Variants in NDUFS4 observed in about 807,000 individuals in gnomAD.
NDUFS4 encodes the protein NADH dehydrogenase [ubiquinone] iron-sulfur protein 4, mitochondrial.
Under a neutral mutation model 24.3 loss-of-function variants are expected in NDUFS4, and 28 were observed. That is an observed-to-expected ratio of 1.15 (90% CI 0.85 to 1.58). The LOEUF is 1.58. Among genes scored for constraint, NDUFS4 ranks in the 40% most tolerant of loss-of-function variants. The pLI, the probability that NDUFS4 is intolerant of heterozygous loss-of-function variation, is 0.00. For synonymous variants in NDUFS4, 93 were observed against 69.7 expected (o/e 1.34, Z -1.67); for missense variants, 223 against 207.9 (o/e 1.07, Z -0.45).
intron 2 of NDUFS4, among the ~76,000 whole-genome samples, chr5:53,620,433 A>G (rs1040775011): frequency 6.6e-6 from 1 of 152,166 alleles, no homozygotes; most frequent in African/African-American, 2.4e-5. Flanking sequence ...TCAACTTACA[A>G]ATTTATGTAT....
intron 1 of NDUFS4, among the ~76,000 whole-genome samples, chr5:53,587,848 G>T (rs117118526): frequency 6.6e-6 from 1 of 152,086 alleles, no homozygotes; most frequent in African/African-American, 2.4e-5. Flanking sequence ...CAAAGAACTG[G>T]GATTACAGGT....
At chr5:53,661,525 C>T (rs1752342963) in intron 4 of NDUFS4, among the ~76,000 whole-genome samples, 1 of 152,034 alleles carries the variant, frequency 6.6e-6, no homozygotes, top group Non-Finnish European at 1.5e-5. Flanking sequence ...TAGTTTTTTC[C>T]AATTCTTTGA....
chr5:53,639,757 A>T (rs1300327706), intron 2 of NDUFS4, among the ~76,000 whole-genome samples: 1 of 152,188 alleles, frequency 6.6e-6, no homozygotes, highest in African/African-American at 2.4e-5. Context: ...GAAACTAAAA[A>T]GTTAAACTTT....
intron 4 of NDUFS4, among the ~76,000 whole-genome samples, chr5:53,660,171 C>G (rs1027959468): frequency 7.8e-6 from 1 of 128,868 alleles, no homozygotes; most frequent in Non-Finnish European, 1.6e-5. Flanking sequence ...CAACAGGTCC[C>G]GGAGTGTGAT....
Position 53,560,681 on chromosome 5 carries a change from T to A in NDUFS4, c.19T>A (p.Ser7Thr). 6.2e-7 allele frequency: 1 copy of A among 1,614,266 alleles called. No homozygotes were observed. Among genetic ancestry groups the A allele is most frequent in the Non-Finnish European group, 8.5e-7 (1 of 1,180,042 alleles). MAAVSM[S>T]VVLRQTLWRR... ...CAGCAAGATGGCGGCGGTGTCAATGTCAGTGGTACTGAGGCAGACGTTGTG... is the reference window on the plus strand; with the variant it reads ...CAGCAAGATGGCGGCGGTGTCAATGACAGTGGTACTGAGGCAGACGTTGTG... Residue 7 changes from serine to threonine, a missense_variant, in exon 1 of 5, where the codon TCA becomes ACA. Physicochemically the swap from Ser to Thr is moderately conservative, Grantham distance 58. Coordinates refer to ENST00000296684, the MANE Select transcript of NDUFS4 (RefSeq NM_002495.4).
At chr5:53,568,246 C>T (rs1749101753) in intron 1 of NDUFS4, among the ~76,000 whole-genome samples, 1 of 151,818 alleles carries the variant, frequency 6.6e-6, no homozygotes, top group African/African-American at 2.4e-5. Flanking sequence ...GTTTTTAAAC[C>T]CTTGTGCATC....
At chr5:53,580,262 G>T (rs1367416146) in intron 1 of NDUFS4, among the ~76,000 whole-genome samples, 1 of 152,142 alleles carries the variant, frequency 6.6e-6, no homozygotes. Flanking sequence ...AATGGGTAGA[G>T]AATTTTTTAA....
At chr5:53,603,226 G>A (rs560950830) in intron 1 of NDUFS4, among the ~76,000 whole-genome samples, 46 of 152,192 alleles carry the variant, frequency 3.0e-4, no homozygotes, top group African/African-American at 9.6e-4. Flanking sequence ...GAAGACTGAC[G>A]TAAAGCGCAG....
chr5:53,580,713 CTTTTCCT>C (rs1403382789), intron 1 of NDUFS4, among the ~76,000 whole-genome samples: 204 of 70,046 alleles, frequency 2.9e-3, no homozygotes, highest in Non-Finnish European at 5.0e-3. Context: ...CTTTCCTTTC[CTTTTCCT>C]TTTCCTTTTC....
intron 2 of NDUFS4, chr5:53,605,017 C>A: frequency 2.6e-6 from 1 of 379,666 alleles, no homozygotes; most frequent in African/African-American, 2.1e-5. Flanking sequence ...GTCAGGAGTT[C>A]GTGACCAGCT....
rs1740617675 is a variant in NDUFS4 at position 53,680,308 on chromosome 5, GA to G, written c.425-2807del. On this transcript the variant is annotated intron_variant, in intron 4 of 4. Transcript: ENST00000296684. ...GCGATTCCTCAGGGATCTAGAACTA[GA>G]AATACCATTTGACCCAGCCATCCCA... Among the ~76,000 whole-genome samples the G allele has an allele frequency of 3.9e-5, 6 of 152,138 alleles. No homozygotes were observed. The South Asian group carries it at 1.2e-3, about 32-fold the overall frequency.
chr5:53,641,714 C>T (rs1165882438), intron 2 of NDUFS4, among the ~76,000 whole-genome samples: 1 of 152,022 alleles, frequency 6.6e-6, no homozygotes, highest in African/African-American at 2.4e-5. Flanking sequence ...ATTTTTTAAA[C>T]TGTAAAATTT....
At chr5:53,607,608 G>A (rs748952183) in intron 2 of NDUFS4, among the ~76,000 whole-genome samples, 4 of 152,022 alleles carry the variant, frequency 2.6e-5, no homozygotes, top group East Asian at 1.9e-4. Flanking sequence ...AGTATTTTTC[G>A]TATGACCAGT....
chr5:53,612,457 A>G (rs945434752), intron 2 of NDUFS4, among the ~76,000 whole-genome samples: 3 of 152,116 alleles, frequency 2.0e-5, no homozygotes, highest in Non-Finnish European at 4.4e-5. Flanking sequence ...AAGGACATCT[A>G]TTATTTCAAA....
chr5:53,667,623 A>G (rs993826371), intron 4 of NDUFS4, among the ~76,000 whole-genome samples: 7 of 152,164 alleles, frequency 4.6e-5, no homozygotes, highest in African/African-American at 1.7e-4. Flanking sequence ...CCCCACAACT[A>G]AAATCATTTG....
At chr5:53,627,954 T>A (rs1751281468) in intron 2 of NDUFS4, among the ~76,000 whole-genome samples, 1 of 152,186 alleles carries the variant, frequency 6.6e-6, no homozygotes, top group South Asian at 2.1e-4. Flanking sequence ...ATCCTTGTCT[T>A]GTGCCGGTTT....
chr5:53,622,429 C>A (rs538698194), intron 2 of NDUFS4, among the ~76,000 whole-genome samples: 2 of 152,092 alleles, frequency 1.3e-5, no homozygotes, highest in African/African-American at 4.8e-5. Flanking sequence ...AAGGCCACCT[C>A]CTTGATGTGT....
chr5:53,587,768 G>A (rs1042858221), intron 1 of NDUFS4, among the ~76,000 whole-genome samples: 1 of 151,972 alleles, frequency 6.6e-6, no homozygotes, highest in Non-Finnish European at 1.5e-5. Flanking sequence ...TGGTAGAGAC[G>A]GGATTTCACC....
chr5:53,638,759 A>G (rs760372171), intron 2 of NDUFS4, among the ~76,000 whole-genome samples: 5 of 152,162 alleles, frequency 3.3e-5, no homozygotes, highest in Admixed American at 6.5e-5. Context: ...TTGGCCAGTT[A>G]CTTAACAGAT....
Sources: allele counts gnomAD v4.1 joint callset (sites outside exome capture counted in the v4.1 genomes callset), GRCh38; gene constraint gnomAD v4.1.1; transcripts MANE v1.5; gene names NCBI Gene and HGNC (gene_info 2026-07-23, HGNC 2026-07-21).